PHEX: variants seen among roughly 807,000 people sequenced by gnomAD.
PHEX encodes the protein phosphate-regulating neutral endopeptidase PHEX.
In PHEX, 16 loss-of-function variants were observed where a neutral mutation model predicts 68.0. The ratio of observed to expected loss-of-function variants is 0.24; its 90% confidence interval spans 0.16 to 0.36. The LOEUF (loss-of-function observed/expected upper bound fraction) is 0.36. Ranked by LOEUF, PHEX falls within the 10% of genes least tolerant of loss-of-function variation. PHEX has a pLI of 1.00. For missense variants in PHEX, 480 were observed against 575.5 expected (o/e 0.83, Z 1.70); for synonymous variants, 208 against 205.1 (o/e 1.01, Z -0.12).
At chrX:22,103,352 G>A (rs12387290) in intron 9 of PHEX, among the ~76,000 whole-genome samples, 3,085 of 110,198 alleles carry the variant, frequency 0.028, 102 homozygotes, top group African/African-American at 0.098. Flanking sequence ...GTGGTGTTTG[G>A]TTGCATGGAA....
At chrX:22,096,318 A>G (rs1033056310) in intron 7 of PHEX, among the ~76,000 whole-genome samples, 5 of 112,534 alleles carry the variant, frequency 4.4e-5, no homozygotes, top group Non-Finnish European at 9.4e-5. Flanking sequence ...GGTGTTGGCC[A>G]AATGGCCAAG....
At chrX:22,054,516 C>T (rs760247567) in intron 3 of PHEX, among the ~76,000 whole-genome samples, 42 of 111,711 alleles carry the variant, frequency 3.8e-4, no homozygotes, top group Middle Eastern at 4.6e-3. Context: ...GACCAAGCAT[C>T]CATTGTGGTG....
intron 13 of PHEX, among the ~76,000 whole-genome samples, chrX:22,177,278 G>A (rs1933740160): frequency 9.0e-6 from 1 of 111,136 alleles, no homozygotes; most frequent in African/African-American, 3.3e-5. Flanking sequence ...TTTACTTTTT[G>A]CTTTTAAAAG....
At chrX:22,124,713 A>G (rs1931642047) in intron 11 of PHEX, among the ~76,000 whole-genome samples, 1 of 112,207 alleles carries the variant, frequency 8.9e-6, no homozygotes, top group Non-Finnish European at 1.9e-5. Context: ...AACACAGCCT[A>G]TATGTTCATA....
chrX:22,108,802 C>T (rs1224140274), intron 9 of PHEX, among the ~76,000 whole-genome samples: 3 of 110,188 alleles, frequency 2.7e-5, no homozygotes, highest in South Asian at 3.9e-4. Context: ...ATTAGCCAGT[C>T]GTGGTGGCGG....
intron 12 of PHEX, among the ~76,000 whole-genome samples, chrX:22,136,876 A>G (rs1035004825): frequency 9.1e-6 from 1 of 110,064 alleles, no homozygotes; most frequent in African/African-American, 3.3e-5. Flanking sequence ...TTAAGAGGTC[A>G]CGAGTAGTTT....
chrX:22,111,447 G>A lies in PHEX; in HGVS notation c.1080-20G>A. 9.0e-7 allele frequency: 1 copy of A among 1,116,693 alleles called. No homozygotes were observed. The highest frequency in any genetic ancestry group is 1.2e-6 in the Non-Finnish European group (1 of 808,418). The allele number at this position is 1,116,693 out of a possible 1,213,427, so 92.0% of individuals were successfully genotyped here. ...TATTGACCTAAAATACAATAAATGGGCATCTCTCTCTGTTAACAGGACCAT... is the reference window on the plus strand; with the variant it reads ...TATTGACCTAAAATACAATAAATGGACATCTCTCTCTGTTAACAGGACCAT... On this transcript the variant is annotated intron_variant, in intron 9 of 21. Coordinates refer to ENST00000379374, the MANE Select transcript of PHEX (RefSeq NM_000444.6).
rs770371978 is a variant in PHEX, at chrX:22,085,482, G to A, written c.664-4947G>A. Among the ~76,000 whole-genome samples the A allele has an allele frequency of 2.3e-3, 252 of 109,038 alleles. 2 individuals are homozygous for A. The highest frequency in any genetic ancestry group is 4.6e-3 in the Middle Eastern group (1 of 217). The allele number at this position is 109,038 out of a possible 115,157, so 94.7% of individuals were successfully genotyped here. On this transcript the variant is annotated intron_variant, in intron 5 of 21. Transcript: ENST00000379374. ...CCCACCTACTCGGGAGGCTGAGGTG[G>A]GAGAATTGCTTGAACCTGGGAGGTG...
At chrX:22,233,593 G>T (rs920233480) in intron 20 of PHEX, among the ~76,000 whole-genome samples, 1 of 110,620 alleles carries the variant, frequency 9.0e-6, no homozygotes, top group African/African-American at 3.3e-5. Context: ...TCTTCCGCTT[G>T]ATCAATTCGG....
intron 9 of PHEX, among the ~76,000 whole-genome samples, chrX:22,103,678 C>G (rs1482472078): frequency 1.8e-5 from 2 of 112,123 alleles, no homozygotes; most frequent in African/African-American, 6.5e-5. Flanking sequence ...TGTATATATA[C>G]CACATTTTCT....
chrX:22,074,652 T>C (rs919550197), intron 3 of PHEX, among the ~76,000 whole-genome samples: 4 of 111,632 alleles, frequency 3.6e-5, no homozygotes, highest in Non-Finnish European at 7.5e-5. Context: ...TCTAAGTATG[T>C]TTCCCAAATA....
In PHEX at chrX:22,038,419, G is replaced by A. The variant is rs1010141033; in HGVS notation, c.119-50G>A. The A allele has an allele frequency of 1.6e-5, 13 of 811,079 alleles. No individual in the cohort carries two copies. In the African/African-American group the frequency reaches 2.2e-4, roughly 14 times the overall value. 66.8% of individuals were successfully genotyped at this position (811,079 alleles called of 1,213,427 possible). A position where few individuals can be genotyped will look rare whatever the true frequency, so the allele number is the denominator to read the frequency against. On this transcript the variant is annotated intron_variant, in intron 1 of 21. Transcript: ENST00000379374. The stretch of plus-strand genomic sequence containing the variant: ...CGTATGTTTCCGAGGGTGGTTTACC[G>A]GATGGTGGTCTGCTACAACTCAGCC...
chrX:22,214,197 G>T (rs1208008016), intron 16 of PHEX, among the ~76,000 whole-genome samples: 7 of 111,353 alleles, frequency 6.3e-5, no homozygotes, highest in Non-Finnish European at 1.3e-4. Context: ...AGTTTCTAGA[G>T]GGGGCCCACA....
chrX:22,137,441 T>C (rs1932280557), intron 12 of PHEX, among the ~76,000 whole-genome samples: 1 of 111,396 alleles, frequency 9.0e-6, no homozygotes, highest in African/African-American at 3.3e-5. Flanking sequence ...CCTAAATTTA[T>C]TGGCATGTGA....
At chrX:22,156,417 G>C (rs763180858) in intron 12 of PHEX, among the ~76,000 whole-genome samples, 12 of 109,109 alleles carry the variant, frequency 1.1e-4, no homozygotes, top group Non-Finnish European at 2.3e-4. Flanking sequence ...TCTGCTTGTA[G>C]GCCGATAAGG....
chrX:22,142,498 G>C (rs974171787), intron 12 of PHEX, among the ~76,000 whole-genome samples: 1 of 111,825 alleles, frequency 8.9e-6, no homozygotes, highest in African/African-American at 3.2e-5. Context: ...TTTCTATGTC[G>C]TTCATAACTT....
At chrX:22,083,823 A>C (rs1363169876) in intron 5 of PHEX, among the ~76,000 whole-genome samples, 2 of 111,802 alleles carry the variant, frequency 1.8e-5, no homozygotes, top group Non-Finnish European at 3.8e-5. Flanking sequence ...GATGCCCTTT[A>C]TTTATTTCTC....
chrX:22,227,312 T>C (rs957201346), intron 19 of PHEX, among the ~76,000 whole-genome samples, 195 bp from the exon 20 acceptor site: 18 of 112,823 alleles, frequency 1.6e-4, no homozygotes, highest in Non-Finnish European at 7.5e-5. Flanking sequence ...TTGGTATACA[T>C]TGAGCATAAG....
chrX:22,132,874 GTTTTT>G (rs11300888), intron 11 of PHEX, among the ~76,000 whole-genome samples: 2 of 102,517 alleles, frequency 2.0e-5, no homozygotes, highest in Non-Finnish European at 4.0e-5. Flanking sequence ...GAAAGAAATG[GTTTTT>G]TTTTTTTAAT....
Sources: gnomAD v4.1 joint callset for allele counts (sites outside exome capture counted in the v4.1 genomes callset) on GRCh38, gnomAD v4.1.1 for gene constraint, MANE v1.5 for transcripts, NCBI Gene and HGNC (gene_info 2026-07-23, HGNC 2026-07-21) for gene names.